Variants in LRPPRC observed in about 807,000 individuals in gnomAD.
The protein encoded by LRPPRC is leucine-rich PPR motif-containing protein, mitochondrial.
LRPPRC carries 120 observed loss-of-function variants against 180.3 expected under a neutral mutation model. The observed-to-expected ratio is 0.67, with a 90% CI of 0.57 to 0.77. LRPPRC has a LOEUF of 0.77. LRPPRC is among the 30% of genes least tolerant of loss of function. The pLI is 0.00. For synonymous variants in LRPPRC, 723 were observed against 600.0 expected, an observed-to-expected ratio of 1.21 and a Z score of -3.00; for missense variants, 2,012 against 1,657.2, an observed-to-expected ratio of 1.21 and a Z score of -3.72.
chr2:43,896,982 A>G (rs1041731271), intron 34 of LRPPRC, among the ~76,000 whole-genome samples: 3 of 152,224 alleles, frequency 2.0e-5, no homozygotes, highest in Non-Finnish European at 4.4e-5. Context: ...CAACCACAGA[A>G]TAAGGTTTAG....
chr2:43,918,464 A>T, intron 27 of LRPPRC, 66 bp from the exon 28 acceptor site: 1 of 1,196,176 alleles, frequency 8.4e-7, no homozygotes, highest in East Asian at 2.4e-5. Flanking sequence ...AAAAATATTT[A>T]GAACTTTTTC....
intron 25 of LRPPRC, among the ~76,000 whole-genome samples, chr2:43,928,487 T>A (rs1671968490): frequency 6.6e-6 from 1 of 152,148 alleles, no homozygotes; most frequent in Non-Finnish European, 1.5e-5. Context: ...GCTGGAGATG[T>A]CAAATGAAAG....
intron 1 of LRPPRC, among the ~76,000 whole-genome samples, chr2:43,995,527 G>C (rs927698394): frequency 3.9e-5 from 6 of 152,348 alleles, no homozygotes; most frequent in South Asian, 2.1e-4. Flanking sequence ...TTGACCATGG[G>C]TACCCCGAGG....
intron 13 of LRPPRC, among the ~76,000 whole-genome samples, chr2:43,959,852 C>A (rs1673266936): frequency 6.6e-6 from 1 of 151,996 alleles, no homozygotes; most frequent in Non-Finnish European, 1.5e-5. Flanking sequence ...CCACTGCATT[C>A]CAGCCTAGGT....
intron 30 of LRPPRC, among the ~76,000 whole-genome samples, chr2:43,907,391 T>C (rs1012344472): frequency 5.9e-5 from 9 of 152,136 alleles, no homozygotes; most frequent in East Asian, 3.8e-4. Flanking sequence ...GATCTTTATA[T>C]TGGAATCATT....
intron 13 of LRPPRC, among the ~76,000 whole-genome samples, chr2:43,958,251 T>C (rs1002105474): frequency 5.9e-5 from 9 of 152,292 alleles, no homozygotes; most frequent in Middle Eastern, 6.8e-3. Flanking sequence ...TTATAAGTAA[T>C]AGAGTTAATC....
At chr2:43,948,957 A>G (rs1672797920) in intron 16 of LRPPRC, among the ~76,000 whole-genome samples, 1 of 152,190 alleles carries the variant, frequency 6.6e-6, no homozygotes, top group African/African-American at 2.4e-5. Context: ...AAAGAAAGTT[A>G]AACAATTTTA....
chr2:43,918,735 G>A (rs1187400428), intron 27 of LRPPRC, among the ~76,000 whole-genome samples: 1 of 149,266 alleles, frequency 6.7e-6, no homozygotes, highest in Non-Finnish European at 1.5e-5. Flanking sequence ...AGAAACAGGT[G>A]ACAATTCAAC....
intron 14 of LRPPRC, among the ~76,000 whole-genome samples, chr2:43,955,474 G>GAAAAAAAAAAAAAAAAAAAAA (rs200193004): frequency 8.7e-6 from 1 of 115,272 alleles, no homozygotes; most frequent in Non-Finnish European, 1.8e-5. Flanking sequence ...GTCTCAAAAA[G>GAAAAAAAAAAAAAAAAAAAAA]AAAAAAAAAA....
intron 36 of LRPPRC, chr2:43,890,308 A>AATCTAC (rs1670441404): frequency 2.1e-6 from 1 of 466,920 alleles, no homozygotes; most frequent in Non-Finnish European, 4.4e-6. Context: ...ATTATGTAGA[A>AATCTAC]ATCTACATCA....
In LRPPRC at chr2:43,925,772, G is replaced by C. The variant is rs576209334; in HGVS notation, c.2805+121C>G. On this transcript the variant is annotated intron_variant, in intron 26 of 37. Coordinates refer to ENST00000260665, the MANE Select transcript of LRPPRC (RefSeq NM_133259.4). ...CATTGCTTATCTGGCAAATGATCGA[G>C]ATAAACACTGCTTCCACAATGCCCT... 36 of 766,862 alleles carry C rather than the reference G, an allele frequency of 4.7e-5. No homozygotes were observed. In the African/African-American group the frequency reaches 4.7e-4, roughly 10 times the overall value. 47.5% of individuals were successfully genotyped at this position (766,862 alleles called of 1,614,324 possible). A position where few individuals can be genotyped will look rare whatever the true frequency, so the allele number is the denominator to read the frequency against.
chr2:43,896,242 T>C (rs1175882039), intron 35 of LRPPRC: 1 of 126,120 alleles, frequency 7.9e-6, no homozygotes, highest in Admixed American at 1.0e-4. Flanking sequence ...TTTTTTTTTT[T>C]TGTAAAGACC....
At chr2:43,913,000 A>G (rs1326860003) in intron 29 of LRPPRC, among the ~76,000 whole-genome samples, 1 of 152,192 alleles carries the variant, frequency 6.6e-6, no homozygotes, top group African/African-American at 2.4e-5. Context: ...TCTTTAATCT[A>G]TAAGTGGGTG....
chr2:43,991,530 C>T (rs1674781400), intron 1 of LRPPRC, among the ~76,000 whole-genome samples: 2 of 152,146 alleles, frequency 1.3e-5, no homozygotes, highest in Admixed American at 6.5e-5. Flanking sequence ...CTGAAGTATA[C>T]AAGTATTATG....
intron 14 of LRPPRC, among the ~76,000 whole-genome samples, chr2:43,956,875 G>A (rs1426569482): frequency 6.6e-6 from 1 of 152,176 alleles, no homozygotes; most frequent in Non-Finnish European, 1.5e-5. Context: ...GGGCGACAGA[G>A]CAAGACTCCG....
intron 35 of LRPPRC, chr2:43,896,128 T>G (rs1036825297): frequency 6.4e-6 from 1 of 155,988 alleles, no homozygotes; most frequent in African/African-American, 2.4e-5. Context: ...GGAGTGTACA[T>G]TTTCCTTGGT....
rs1257062815 is a variant in LRPPRC, at chr2:43,948,447, G to A, written c.1807C>T (p.His603Tyr). 1.2e-6 allele frequency: 2 copies of A among 1,612,904 alleles called. No homozygotes were observed. The highest frequency in any genetic ancestry group is 1.3e-5 in the African/African-American group (1 of 74,968). The stretch of plus-strand genomic sequence containing the variant: ...AGCTGATGGAAGTATTGTCTCAAAT[G>A]CTCCTCCTTGGCCTGTACCTCTGAG... ...SDSEVQAKEEHLRQYFHQLEK... is the reference protein window; with the variant it reads ...SDSEVQAKEEYLRQYFHQLEK... Residue 603 changes from histidine to tyrosine, a missense_variant, in exon 17 of 38, where the codon CAT becomes TAT. By Grantham distance (83) the His-to-Tyr change is moderately conservative (BLOSUM62 2). Coordinates refer to ENST00000260665, the MANE Select transcript of LRPPRC (RefSeq NM_133259.4).
chr2:43,952,380 TAAACGGTATCCTTCAAAACC>T (rs1226991182), intron 14 of LRPPRC, among the ~76,000 whole-genome samples: 4 of 152,108 alleles, frequency 2.6e-5, no homozygotes, highest in Non-Finnish European at 5.9e-5. Context: ...AAAACAAAAA[TAAACGGTATCCTTCAAAACC>T]AAGCTGTTGT....
chr2:43,956,996 G>A (rs543922157), intron 14 of LRPPRC, among the ~76,000 whole-genome samples: 7 of 152,254 alleles, frequency 4.6e-5, no homozygotes, highest in East Asian at 3.9e-4. Flanking sequence ...GGAAGGGCAA[G>A]GTCATTAACA....
Sources: gnomAD v4.1 joint callset for allele counts (sites outside exome capture counted in the v4.1 genomes callset) on GRCh38, gnomAD v4.1.1 for gene constraint, MANE v1.5 for transcripts, NCBI Gene and HGNC (gene_info 2026-07-23, HGNC 2026-07-21) for gene names.